HACE1: variants seen among roughly 807,000 people sequenced by gnomAD.
HACE1 encodes the protein E3 ubiquitin-protein ligase HACE1.
In HACE1, 73 loss-of-function variants were observed where a neutral mutation model predicts 118.4. That is an observed-to-expected ratio of 0.62 (90% CI 0.51 to 0.75). HACE1 has a LOEUF of 0.75. Ranked by LOEUF, HACE1 falls within the 30% of genes least tolerant of loss-of-function variation. The pLI is 0.00. For missense variants in HACE1, 749 were observed against 1,102.2 expected (o/e 0.68, Z 4.54); for synonymous variants, 368 against 374.8 (o/e 0.98, Z 0.21).
Position 104,859,648 on chromosome 6 carries a change from G to C in HACE1, c.-6C>G, listed in dbSNP as rs1271927470. ...TGCTCCATCGCTCTCTCCATCCTCG[G>C]CGCGCCCTCCGCGATCCTCCGCGAT... On this transcript the variant is annotated 5_prime_UTR_variant, in exon 1 of 24. Coordinates refer to ENST00000262903, the MANE Select transcript of HACE1 (RefSeq NM_020771.4). 9 of 1,531,204 alleles carry C rather than the reference G, an allele frequency of 5.9e-6. No individual in the cohort carries two copies. Among genetic ancestry groups the C allele is most frequent in the Non-Finnish European group, 7.9e-6 (9 of 1,142,604 alleles). 94.9% of individuals were successfully genotyped at this position (1,531,204 alleles called of 1,614,324 possible).
In HACE1 at chr6:104,784,119, C is replaced by G. The variant is rs1215724337; in HGVS notation, c.1533G>C (p.Leu511Phe). The G allele has an allele frequency of 6.2e-7, 1 of 1,600,536 alleles. No individual in the cohort carries two copies. The highest frequency in any genetic ancestry group is 1.3e-5 in the African/African-American group (1 of 74,618). ...TTATGATATGCATGAATCTTGACAT[C>G]AACTCAGGACATTCAAGGAGAAAGT... Reference protein sequence around the residue: ...HFHFLLECPELMSRFMHIIKA... With the variant: ...HFHFLLECPEFMSRFMHIIKA... The change falls in exon 14 of 24, where the codon TTG (leucine) becomes TTC (phenylalanine). Residue 511 changes from leucine (L) to phenylalanine (F), a missense_variant. Coordinates refer to ENST00000262903, the MANE Select transcript of HACE1 (RefSeq NM_020771.4).
chr6:104,784,200 G>A (rs1295782916), intron 13 of HACE1, 27 bp from the exon 14 acceptor site: 4 of 1,290,586 alleles, frequency 3.1e-6, no homozygotes, highest in Non-Finnish European at 4.5e-6. Context: ...TTGTTTAAAT[G>A]GACAGGAAGA....
In HACE1 at chr6:104,773,359, C is replaced by T. The variant is rs142701904; in HGVS notation, c.1865-1285G>A. On this transcript the variant is annotated intron_variant, in intron 17 of 23. Coordinates refer to ENST00000262903, the MANE Select transcript of HACE1 (RefSeq NM_020771.4). ...TGTGTTTCACTGGTCTTTGATTTCT[C>T]GGTGCTGACACCAGGTTAACCTGCT... is the stretch of plus-strand genomic sequence containing the variant. Among the ~76,000 whole-genome samples the T allele has an allele frequency of 4.8e-3, 735 of 152,084 alleles. 6 individuals are homozygous for T. Among genetic ancestry groups the T allele is most frequent in the African/African-American group, 0.017 (715 of 41,480 alleles).
At chr6:104,851,694 A>T (rs976830899) in intron 2 of HACE1, among the ~76,000 whole-genome samples, 17 of 151,630 alleles carry the variant, frequency 1.1e-4, no homozygotes, top group African/African-American at 3.6e-4. Flanking sequence ...TCAGACAAAA[A>T]ACATTTTTTA....
At chr6:104,825,701 A>G (rs1176892991) in intron 6 of HACE1, among the ~76,000 whole-genome samples, 1 of 152,210 alleles carries the variant, frequency 6.6e-6, no homozygotes, top group Admixed American at 6.5e-5. Context: ...TGGGGTATTT[A>G]GACCCCAGAA....
In HACE1 at chr6:104,840,483, A is replaced by G. The variant is rs573725155; in HGVS notation, c.402+2740T>C. Among the ~76,000 whole-genome samples the G allele has an allele frequency of 2.6e-5, 4 of 152,314 alleles. No individual in the cohort carries two copies. The East Asian group carries it at 7.7e-4, about 29-fold the overall frequency. On this transcript the variant is annotated intron_variant, in intron 5 of 23. Coordinates refer to ENST00000262903, the MANE Select transcript of HACE1 (RefSeq NM_020771.4). Reference sequence around the variant, plus strand: ...ACCTAAAACCAAAAAACCAGGAAGTAGCATTTAGCATGCTATTTAGATATA... The same window carrying G: ...ACCTAAAACCAAAAAACCAGGAAGTGGCATTTAGCATGCTATTTAGATATA...
intron 14 of HACE1, among the ~76,000 whole-genome samples, chr6:104,778,150 A>G (rs928905996): frequency 5.3e-5 from 8 of 152,134 alleles, no homozygotes; most frequent in African/African-American, 1.9e-4. Flanking sequence ...CTCCACCCTA[A>G]AAATTGAAGA....
At chr6:104,813,041 G>C (rs1412632057) in intron 6 of HACE1, among the ~76,000 whole-genome samples, 1 of 94,616 alleles carries the variant, frequency 1.1e-5, no homozygotes, top group Non-Finnish European at 2.2e-5. Flanking sequence ...AACAAATTAA[G>C]TGAAAACCTC....
chr6:104,806,737 T>A (rs1170289153), intron 7 of HACE1, among the ~76,000 whole-genome samples: 1 of 152,166 alleles, frequency 6.6e-6, no homozygotes, highest in Admixed American at 6.5e-5. Context: ...GAGATAATAC[T>A]CTCTTCAAGA....
In HACE1 at chr6:104,771,986, C is replaced by T. The variant is rs1280251944; in HGVS notation, c.1953G>A (p.Ala651=). The T allele has an allele frequency of 2.9e-5, 46 of 1,609,012 alleles. No homozygotes were observed. The highest frequency in any genetic ancestry group is 4.4e-5 in the South Asian group (4 of 90,922). The part of the protein sequence containing the change: ...FRFAGQILGL[A]LNHRQLVNIY... ...TATTGACCAGCTGCCTGTGGTTCAA[C>T]GCTAATCCCAAGATCTGCCCAGCAA... Residue 651 remains alanine (A), a synonymous_variant, in exon 18 of 24, where the codon GCG becomes GCA. Coordinates refer to ENST00000262903, the MANE Select transcript of HACE1 (RefSeq NM_020771.4).
In HACE1 at chr6:104,810,846, C is replaced by G. The variant is rs552720615; in HGVS notation, c.617+465G>C. ...CAAGATTTTTTTTTGGTTATAGATACAGAGAAAGAAAAGACATGGCTCTGG... is the reference window on the plus strand; with the variant it reads ...CAAGATTTTTTTTTGGTTATAGATAGAGAGAAAGAAAAGACATGGCTCTGG... On this transcript the variant is annotated intron_variant, in intron 7 of 23. Transcript: ENST00000262903. Among the ~76,000 whole-genome samples the G allele has an allele frequency of 5.9e-5, 9 of 151,844 alleles. No individual in the cohort carries two copies. The South Asian group carries it at 1.9e-3, about 32-fold the overall frequency.
chr6:104,746,700 C>A (rs1198766732), intron 20 of HACE1, among the ~76,000 whole-genome samples: 6 of 152,204 alleles, frequency 3.9e-5, no homozygotes, highest in African/African-American at 1.4e-4. Context: ...TTATTCTTAA[C>A]ACTGCCCATA....
At chr6:104,744,338 C>A (rs182510865) in intron 21 of HACE1, 108 bp from the exon 22 acceptor site, 2 of 873,264 alleles carry the variant, frequency 2.3e-6, no homozygotes. Flanking sequence ...CTACAAAACT[C>A]GTTTACCAAA....
At chr6:104,840,703 C>T (rs1229386405) in intron 5 of HACE1, among the ~76,000 whole-genome samples, 2 of 152,126 alleles carry the variant, frequency 1.3e-5, no homozygotes, top group African/African-American at 4.8e-5. Flanking sequence ...GTGGCTCACA[C>T]CTGTAATCCC....
intron 6 of HACE1, among the ~76,000 whole-genome samples, chr6:104,816,952 C>A (rs948842769): frequency 6.6e-5 from 10 of 152,206 alleles, no homozygotes; most frequent in African/African-American, 2.4e-4. Context: ...TTCAGACTTG[C>A]ATGGGGCCTG....
chr6:104,733,976 A>C (rs1775502922), intron 22 of HACE1, among the ~76,000 whole-genome samples: 1 of 151,884 alleles, frequency 6.6e-6, no homozygotes, highest in African/African-American at 2.4e-5. Flanking sequence ...AACATGGTGA[A>C]ACTCCATCTT....
chr6:104,791,397 A>G (rs980420153), intron 11 of HACE1, 107 bp downstream of exon 11: 1 of 1,026,948 alleles, frequency 9.7e-7, no homozygotes, highest in Non-Finnish European at 1.5e-6. Context: ...ATGGGTATAA[A>G]CCAAACTTAC....
chr6:104,811,511 A>G (rs1230299076), intron 6 of HACE1, 118 bp from the exon 7 acceptor site: 1 of 617,120 alleles, frequency 1.6e-6, no homozygotes, highest in Non-Finnish European at 3.1e-6. Flanking sequence ...TTACATAGGA[A>G]CTGAGTGGGC....
At chr6:104,791,172 A>G (rs12153814) in intron 11 of HACE1, among the ~76,000 whole-genome samples, 16,728 of 152,234 alleles carry the variant, frequency 0.11, 957 homozygotes, top group East Asian at 0.15. Flanking sequence ...TACTAATAAG[A>G]AATACATTTC....
Sources: gnomAD v4.1 joint callset for allele counts (sites outside exome capture counted in the v4.1 genomes callset) on GRCh38, gnomAD v4.1.1 for gene constraint, MANE v1.5 for transcripts, NCBI Gene and HGNC (gene_info 2026-07-23, HGNC 2026-07-21) for gene names.